The following RBM17 variants were observed in gnomAD, a reference collection of about 807,000 sequenced individuals.
RBM17 encodes the protein RNA binding motif protein 17, also known as splicing factor 45.
Under a neutral mutation model 53.2 loss-of-function variants are expected in RBM17, and 7 were observed. That is an observed-to-expected ratio of 0.13 (90% CI 0.07 to 0.25). The LOEUF (loss-of-function observed/expected upper bound fraction) is 0.25. Among genes scored for constraint, RBM17 ranks in the 10% least tolerant of loss-of-function variants. The probability of loss-of-function intolerance (pLI) is 1.00; values close to 1 mark genes in which losing one functional copy is unlikely to be tolerated. For missense variants in RBM17, 257 were observed against 496.7 expected, an observed-to-expected ratio of 0.52 and a Z score of 4.59; for synonymous variants, 167 against 178.1, an observed-to-expected ratio of 0.94 and a Z score of 0.50.
intron 5 of RBM17, among the ~76,000 whole-genome samples, chr10:6,108,046 C>G (rs1240837174): frequency 6.6e-6 from 1 of 152,130 alleles, no homozygotes; most frequent in Non-Finnish European, 1.5e-5. Context: ...TTTGTGTTCA[C>G]CATTCGTTGT....
chr10:6,111,011 G>C (rs1162753548), intron 7 of RBM17, among the ~76,000 whole-genome samples: 5 of 152,180 alleles, frequency 3.3e-5, no homozygotes, highest in African/African-American at 1.2e-4. Flanking sequence ...TAGCGAATTT[G>C]CTTTTAACCA....
chr10:6,112,320 A>G lies in RBM17; in HGVS notation c.815A>G (p.Lys272Arg), dbSNP rs766228705. The G allele has an allele frequency of 6.2e-7, 1 of 1,614,026 alleles. No individual in the cohort carries two copies. Among genetic ancestry groups the G allele is most frequent in the South Asian group, 1.1e-5 (1 of 91,056 alleles). Residue 272 changes from lysine (K) to arginine (R), a missense_variant, in exon 8 of 12, where the codon AAG becomes AGG. Physicochemically the swap from Lys to Arg is conservative, Grantham distance 26. Transcript: ENST00000379888. This position sits in a 1 kb window ranked among gnomAD's most constrained non-coding sequence, Gnocchi z 4.4. ...STALSVEKTS[K>R]RGGKIIVGDA... The stretch of plus-strand genomic sequence containing the variant: ...GCCTTGTCAGTGGAGAAGACCAGCA[A>G]GCGTGGCGGCAAGATCATCGTGGGC...
At chr10:6,098,830 G>A (rs1840625066) in intron 2 of RBM17, among the ~76,000 whole-genome samples, 1 of 152,026 alleles carries the variant, frequency 6.6e-6, no homozygotes, top group Non-Finnish European at 1.5e-5. Context: ...TTACAGGCGT[G>A]AGCCACCGTG....
In RBM17 at chr10:6,115,732, A is replaced by T. The variant is rs1242272065; in HGVS notation, c.*176A>T. ...ATTTTGTGGTTTTTTAATATAGTAT[A>T]AAAATCCTTTTAAAAAAACAACAAT... On this transcript the variant is annotated 3_prime_UTR_variant, in exon 12 of 12. Transcript: ENST00000379888. The T allele has an allele frequency of 2.2e-6, 1 of 452,658 alleles. No individual in the cohort carries two copies. The highest frequency in any genetic ancestry group is 3.9e-6 in the Non-Finnish European group (1 of 257,054). 28.0% of individuals were successfully genotyped at this position (452,658 alleles called of 1,614,324 possible). A position where few individuals can be genotyped will look rare whatever the true frequency, so the allele number is the denominator to read the frequency against.
At chr10:6,098,556 GTTTTTTGTTTTTTTTTTTTTT>G (rs1174476014) in intron 2 of RBM17, among the ~76,000 whole-genome samples, 2 of 87,976 alleles carry the variant, frequency 2.3e-5, no homozygotes, top group African/African-American at 8.1e-5. Context: ...TAATACACAG[GTTTTTTGTTTTTTTTTTTTTT>G]TTTTTTTTTT....
rs115735191 is a variant in RBM17, at chr10:6,110,171, G to A, written c.704+44G>A. 1,670 of 1,552,726 alleles carry A rather than the reference G, an allele frequency of 1.1e-3. 13 individuals carry two copies. In the African/African-American group the frequency reaches 0.019, roughly 18 times the overall value. ...TATCTAAGGACTTGAGAGACAGTGT[G>A]AAGCGTTGATAGCCCTTTCAATAGA... On this transcript the variant is annotated intron_variant, in intron 7 of 11. Coordinates refer to ENST00000379888, the MANE Select transcript of RBM17 (RefSeq NM_032905.5).
chr10:6,105,452 A>G (rs548851035), intron 4 of RBM17, among the ~76,000 whole-genome samples: 1 of 152,366 alleles, frequency 6.6e-6, no homozygotes, highest in East Asian at 1.9e-4. Context: ...GAATGCCAAC[A>G]TGCCGCTCAA....
chr10:6,108,522 C>T lies in RBM17; in HGVS notation c.506-164C>T, dbSNP rs556511595. ...CACTTTTCTACATTTTAAATCCTAG[C>T]ATCAGAGGTTTGTTCATATGTAGCA... On this transcript the variant is annotated intron_variant, in intron 5 of 11. Transcript: ENST00000379888. 69 of 517,196 alleles carry T rather than the reference C, an allele frequency of 1.3e-4. 1 individual carries two copies. In the South Asian group the frequency reaches 2.0e-3, roughly 15 times the overall value. 32.0% of individuals were successfully genotyped at this position (517,196 alleles called of 1,614,324 possible). A position where few individuals can be genotyped will look rare whatever the true frequency, so the allele number is the denominator to read the frequency against.
intron 2 of RBM17, among the ~76,000 whole-genome samples, chr10:6,099,139 T>A (rs1438727229): frequency 6.6e-6 from 1 of 152,128 alleles, no homozygotes; most frequent in Non-Finnish European, 1.5e-5. Context: ...TTCATGTAAC[T>A]TTTGCTTTGC....
intron 7 of RBM17, 150 bp downstream of exon 7, chr10:6,110,277 G>A (rs1050244065): frequency 2.6e-5 from 14 of 529,260 alleles, no homozygotes; most frequent in African/African-American, 1.6e-4. Context: ...CGTGTGGAGC[G>A]TGTTCCAGTG....
intron 2 of RBM17, among the ~76,000 whole-genome samples, chr10:6,099,228 C>T (rs1015503293): frequency 6.6e-6 from 1 of 151,350 alleles, no homozygotes; most frequent in African/African-American, 2.4e-5. Flanking sequence ...GAAGTTATTT[C>T]TACTAACTTT....
In RBM17 at chr10:6,115,672, G is replaced by A. The variant is rs748829498; in HGVS notation, c.*116G>A. The A allele has an allele frequency of 3.0e-6, 2 of 663,898 alleles. No homozygotes were observed. The highest frequency in any genetic ancestry group is 5.4e-6 in the Non-Finnish European group (2 of 373,478). The allele number at this position is 663,898 out of a possible 1,614,324, so 41.1% of individuals were successfully genotyped here. On this transcript the variant is annotated 3_prime_UTR_variant, in exon 12 of 12. Transcript: ENST00000379888. Reference sequence around the variant, plus strand: ...TGTTGCATACCAAGACTCTTGGAAGGACTTCTAAGATATATGTTGATTGAT... The same window carrying A: ...TGTTGCATACCAAGACTCTTGGAAGAACTTCTAAGATATATGTTGATTGAT...
Position 6,116,626 on chromosome 10 carries a change from A to G in RBM17, c.*1070A>G, listed in dbSNP as rs376773469. The G allele has an allele frequency of 6.6e-6, 1 of 152,328 alleles. No individual in the cohort carries two copies. Among genetic ancestry groups the G allele is most frequent in the Non-Finnish European group, 1.5e-5 (1 of 68,042 alleles). The allele number at this position is 152,328 out of a possible 1,614,324, so 9.4% of individuals were successfully genotyped here. ...TGTGTTCTGTTCCTTGCTTTCCCAA[A>G]TACTGCATGTGACTTTCCTAAGCGG... is the stretch of plus-strand genomic sequence containing the variant. On this transcript the variant is annotated 3_prime_UTR_variant, in exon 12 of 12. Transcript: ENST00000379888.
At position 6,114,033 on chromosome 10, in the gene RBM17, A is replaced by AT; in HGVS notation, c.931-11dup. 1.3e-6 allele frequency: 2 copies of AT among 1,570,338 alleles called. No individual in the cohort carries two copies. Among genetic ancestry groups the AT allele is most frequent in the Non-Finnish European group, 1.8e-6 (2 of 1,142,178 alleles). On this transcript the variant is annotated splice_polypyrimidine_tract_variant and intron_variant, in intron 9 of 11. Transcript: ENST00000379888. ...TTATACTTGGTACTTGAATTTGTTT[A>AT]TTTTTGTGTTTAAAGAACATGGTTG... is the stretch of plus-strand genomic sequence containing the variant.
In RBM17 at chr10:6,106,228, G is replaced by A; in HGVS notation, c.495G>A (p.Arg165=). 2 of 1,610,852 alleles carry A rather than the reference G, an allele frequency of 1.2e-6. No individual in the cohort carries two copies. Among genetic ancestry groups the A allele is most frequent in the Non-Finnish European group, 1.7e-6 (2 of 1,177,208 alleles). The change falls in exon 5 of 12, where the codon AGG becomes AGA. Residue 165 remains arginine (R), a synonymous_variant. Coordinates refer to ENST00000379888, the MANE Select transcript of RBM17 (RefSeq NM_032905.5). ...AAGATGAAGATTATGAGCGAGAGAG[G>A]AGGAAAAGAAGTAAGGCATGAACAA... ...SDEDEDYERE[R]RKRSMGGAAI...
At chr10:6,104,117 C>G (rs931510993) in intron 3 of RBM17, among the ~76,000 whole-genome samples, 1 of 152,198 alleles carries the variant, frequency 6.6e-6, no homozygotes, top group African/African-American at 2.4e-5. Flanking sequence ...AAAGTGGGGT[C>G]AGGGCTTCCA....
chr10:6,115,717 T>G lies in RBM17; in HGVS notation c.*161T>G, dbSNP rs1588353795. 6 of 494,120 alleles carry G rather than the reference T, an allele frequency of 1.2e-5. No individual in the cohort carries two copies. The East Asian group carries it at 1.8e-4, about 15-fold the overall frequency. 30.6% of individuals were successfully genotyped at this position (494,120 alleles called of 1,614,324 possible). On this transcript the variant is annotated 3_prime_UTR_variant, in exon 12 of 12. Transcript: ENST00000379888. ...ATTGATCCCTTTTTTATTTTGTGGT[T>G]TTTTAATATAGTATAAAAATCCTTT... is the stretch of plus-strand genomic sequence containing the variant.
chr10:6,101,773 T>C (rs1482978244), intron 3 of RBM17, among the ~76,000 whole-genome samples: 1 of 152,266 alleles, frequency 6.6e-6, no homozygotes, highest in Non-Finnish European at 1.5e-5. Context: ...GGCTTCACTA[T>C]ATTCCCTTGT....
chr10:6,099,997 G>A (rs1840647533), intron 2 of RBM17, among the ~76,000 whole-genome samples: 1 of 152,116 alleles, frequency 6.6e-6, no homozygotes, highest in African/African-American at 2.4e-5. Context: ...GGCGGAGGTT[G>A]CAGTGAGCCG....
Sources: allele counts gnomAD v4.1 joint callset (sites outside exome capture counted in the v4.1 genomes callset), GRCh38; gene constraint gnomAD v4.1.1; non-coding constraint Gnocchi (gnomAD v3.1); transcripts MANE v1.5; gene names NCBI Gene and HGNC (gene_info 2026-07-23, HGNC 2026-07-21).